The following ITFG1 variants were observed in gnomAD, a reference collection of about 807,000 sequenced individuals.
ITFG1 encodes T-cell immunomodulatory protein.
A neutral mutation model predicts 81.8 loss-of-function variants in ITFG1; 34 were observed. The observed-to-expected ratio is 0.42, with a 90% CI of 0.32 to 0.55. The LOEUF is 0.55. ITFG1 is among the 20% of genes least tolerant of loss of function. ITFG1 has a pLI of 0.17. For synonymous variants in ITFG1, 285 were observed against 270.6 expected (o/e 1.05, Z -0.52); for missense variants, 672 against 755.4 (o/e 0.89, Z 1.29).
At chr16:47,403,471 T>C (rs1223026446) in intron 6 of ITFG1, among the ~76,000 whole-genome samples, 1 of 151,978 alleles carries the variant, frequency 6.6e-6, no homozygotes, top group African/African-American at 2.4e-5. Flanking sequence ...TATGGAGAAA[T>C]AACCACTAAA....
At chr16:47,190,592 CTA>C (rs1165870740) in intron 14 of ITFG1, among the ~76,000 whole-genome samples, 3 of 152,198 alleles carry the variant, frequency 2.0e-5, no homozygotes, top group Admixed American at 6.5e-5. Context: ...TTCTGCTTCT[CTA>C]TGTTTCTATC....
intron 6 of ITFG1, among the ~76,000 whole-genome samples, chr16:47,406,608 T>G (rs1056711566): frequency 1.3e-5 from 2 of 152,214 alleles, no homozygotes; most frequent in African/African-American, 4.8e-5. Flanking sequence ...TTCTGGGCAC[T>G]GGAGAAATGA....
intron 8 of ITFG1, among the ~76,000 whole-genome samples, chr16:47,362,946 G>C (rs1213903640): frequency 6.6e-6 from 1 of 151,736 alleles, no homozygotes; most frequent in Non-Finnish European, 1.5e-5. Context: ...ACCCAGGTTG[G>C]AGTGCAGTGG....
chr16:47,313,121 C>A (rs1371866850), intron 9 of ITFG1: 2 of 152,154 alleles, frequency 1.3e-5, no homozygotes, highest in Non-Finnish European at 2.9e-5. Flanking sequence ...TCACACTGGC[C>A]AGTTAAATGC....
At chr16:47,378,378 A>T (rs1237432119) in intron 6 of ITFG1, among the ~76,000 whole-genome samples, 1 of 152,234 alleles carries the variant, frequency 6.6e-6, no homozygotes, top group Non-Finnish European at 1.5e-5. Flanking sequence ...CTGTGACCAC[A>T]TATGGTTAAG....
intron 6 of ITFG1, among the ~76,000 whole-genome samples, chr16:47,398,785 T>C (rs150447552): frequency 1.8e-3 from 268 of 152,356 alleles, no homozygotes; most frequent in African/African-American, 6.1e-3. Context: ...GTGTACCAAA[T>C]GAAGCCCTAG....
intron 8 of ITFG1, among the ~76,000 whole-genome samples, chr16:47,345,004 T>C (rs1319666772): frequency 6.6e-6 from 1 of 152,112 alleles, no homozygotes; most frequent in Non-Finnish European, 1.5e-5. Flanking sequence ...TTCTAAACAC[T>C]GGAAATAGAA....
intron 8 of ITFG1, among the ~76,000 whole-genome samples, chr16:47,347,521 T>A (rs1967875530): frequency 6.6e-6 from 1 of 151,874 alleles, no homozygotes; most frequent in South Asian, 2.1e-4. Flanking sequence ...TTGCTGAGGA[T>A]TGAGTAGGTA....
chr16:47,236,679 C>T (rs1479683691), intron 13 of ITFG1, among the ~76,000 whole-genome samples: 1 of 152,096 alleles, frequency 6.6e-6, no homozygotes, highest in Non-Finnish European at 1.5e-5. Context: ...GAATGTTTCA[C>T]AAAGTGGGTA....
intron 12 of ITFG1, among the ~76,000 whole-genome samples, chr16:47,254,804 C>G (rs1966121084): frequency 6.6e-6 from 1 of 152,118 alleles, no homozygotes; most frequent in African/African-American, 2.4e-5. Flanking sequence ...AGGCACATAC[C>G]ACATTCAGAT....
chr16:47,368,535 G>C (rs1192659741), intron 7 of ITFG1, among the ~76,000 whole-genome samples: 1 of 102,852 alleles, frequency 9.7e-6, no homozygotes, highest in African/African-American at 4.0e-5. Context: ...CAGCCTGGGT[G>C]ACAGAGCAAG....
chr16:47,348,855 G>T (rs564103883), intron 8 of ITFG1, among the ~76,000 whole-genome samples: 3 of 152,118 alleles, frequency 2.0e-5, no homozygotes, highest in African/African-American at 7.2e-5. Flanking sequence ...GACTAACAGC[G>T]GATCTCTCAG....
chr16:47,382,671 G>T, intron 6 of ITFG1, among the ~76,000 whole-genome samples: 1 of 148,238 alleles, frequency 6.7e-6, no homozygotes, highest in Admixed American at 6.7e-5. Flanking sequence ...GTGGGTGGTG[G>T]AAACCACTGG....
chr16:47,305,721 G>C (rs1420547616), intron 10 of ITFG1, among the ~76,000 whole-genome samples: 2 of 152,132 alleles, frequency 1.3e-5, no homozygotes, highest in African/African-American at 4.8e-5. Flanking sequence ...ACAGAGAAGT[G>C]TTTTTAAGGA....
At chr16:47,261,368 G>A (rs1008764159) in intron 10 of ITFG1, among the ~76,000 whole-genome samples, 1 of 152,162 alleles carries the variant, frequency 6.6e-6, no homozygotes, top group Non-Finnish European at 1.5e-5. Context: ...AGAGTACTTA[G>A]AGCATAGGTT....
At chr16:47,344,518 C>T (rs1341742212) in intron 8 of ITFG1, among the ~76,000 whole-genome samples, 1 of 152,168 alleles carries the variant, frequency 6.6e-6, no homozygotes, top group Admixed American at 6.5e-5. Context: ...CTGTTAAAAA[C>T]TTAAAATAAT....
intron 10 of ITFG1, among the ~76,000 whole-genome samples, chr16:47,270,401 A>C (rs1049259932): frequency 1.3e-5 from 2 of 152,244 alleles, no homozygotes; most frequent in African/African-American, 4.8e-5. Context: ...ATAAACTAAA[A>C]TTAAAACTAC....
rs41303619 is a variant in ITFG1 at position 47,454,147 on chromosome 16, G to C, written c.293C>G (p.Ala98Gly). 312 of 1,601,868 alleles carry C rather than the reference G, an allele frequency of 1.9e-4. 1 individual carries two copies. Among genetic ancestry groups the C allele is most frequent in the Non-Finnish European group, 2.5e-4 (292 of 1,172,348 alleles). Residue 98 changes from alanine to glycine, a missense_variant, in exon 3 of 18, where the codon GCA (alanine) becomes GGA (glycine). Transcript: ENST00000320640. Reference protein sequence around the residue: ...KVKVSFKNHSALITSVVPGDY... With the variant: ...KVKVSFKNHSGLITSVVPGDY... ...CCCAGGGACTACACTTGTTATCAATGCACTGTGATTCCTAAAAGAAACAAG... is the reference window on the plus strand; with the variant it reads ...CCCAGGGACTACACTTGTTATCAATCCACTGTGATTCCTAAAAGAAACAAG...
chr16:47,372,820 C>T (rs1437513064), intron 7 of ITFG1, among the ~76,000 whole-genome samples: 24 of 152,216 alleles, frequency 1.6e-4, no homozygotes, highest in Admixed American at 1.6e-3. Context: ...ATCCCATATT[C>T]TCATATCTAA....
Sources: gnomAD v4.1 joint callset for allele counts (sites outside exome capture counted in the v4.1 genomes callset) on GRCh38, gnomAD v4.1.1 for gene constraint, MANE v1.5 for transcripts, NCBI Gene and HGNC (gene_info 2026-07-23, HGNC 2026-07-21) for gene names.